Variants in RYR2 observed in about 807,000 individuals in gnomAD.
RYR2 encodes cardiac muscle ryanodine receptor-calcium release channel.
Under a neutral mutation model 601.1 loss-of-function variants are expected in RYR2, and 227 were observed. The ratio of observed to expected loss-of-function variants is 0.38; its 90% CI spans 0.34 to 0.42. RYR2 has a LOEUF of 0.42. RYR2 is among the 10% of genes least tolerant of loss of function. RYR2 has a pLI of 1.00. For synonymous variants in RYR2, 2,223 were observed against 2,175.1 expected, an observed-to-expected ratio of 1.02 and a Z score of -0.61; for missense variants, 4,646 against 6,156.5, an observed-to-expected ratio of 0.75 and a Z score of 8.21.
intron 100 of RYR2, among the ~76,000 whole-genome samples, chr1:237,809,635 T>C (rs1661045480): frequency 6.6e-6 from 1 of 152,098 alleles, no homozygotes. Flanking sequence ...ACAAAATATA[T>C]ATCACTAGCT....
At chr1:237,466,104 A>G (rs1360872361) in intron 16 of RYR2, among the ~76,000 whole-genome samples, 1 of 152,160 alleles carries the variant, frequency 6.6e-6, no homozygotes, top group East Asian at 1.9e-4. Context: ...ATGTATCTAT[A>G]TCTTGAGACC....
In RYR2 at chr1:237,419,277, C is replaced by A. The variant is rs561898848; in HGVS notation, c.848+2154C>A. Reference sequence around the variant, plus strand: ...TATTTATCTTTTTTGTAGAGAGAGACCCTACATCTGTCTTATTTTTGGTTA... The same window carrying A: ...TATTTATCTTTTTTGTAGAGAGAGAACCTACATCTGTCTTATTTTTGGTTA... On this transcript the variant is annotated intron_variant, in intron 11 of 104. Coordinates refer to ENST00000366574, the MANE Select transcript of RYR2 (RefSeq NM_001035.3). Among the ~76,000 whole-genome samples, 4 of 151,682 alleles carry A rather than the reference C, an allele frequency of 2.6e-5. No individual in the cohort carries two copies. In the East Asian group the frequency reaches 7.7e-4, roughly 29 times the overall value.
chr1:237,207,665 C>T (rs1041693214), intron 1 of RYR2, among the ~76,000 whole-genome samples: 2 of 152,128 alleles, frequency 1.3e-5, no homozygotes, highest in African/African-American at 4.8e-5. Flanking sequence ...GCCTCCAGAG[C>T]TGTGAAAAAA....
intron 35 of RYR2, among the ~76,000 whole-genome samples, chr1:237,605,860 G>A (rs1345947293): frequency 6.6e-6 from 1 of 151,456 alleles, no homozygotes; most frequent in Non-Finnish European, 1.5e-5. Flanking sequence ...CAACTTACAA[G>A]GGATGTGAAG....
At chr1:237,690,649 CTCGGGAGT>C (rs1187711839) in intron 63 of RYR2, among the ~76,000 whole-genome samples, 2 of 152,130 alleles carry the variant, frequency 1.3e-5, no homozygotes, top group African/African-American at 4.8e-5. Context: ...ATCACTTGAG[CTCGGGAGT>C]TCAAGACCAG....
In RYR2 at chr1:237,614,994, T is replaced by C. The variant is rs1458967215; in HGVS notation, c.5715+151T>C. On this transcript the variant is annotated intron_variant, in intron 37 of 104. Transcript: ENST00000366574. The surrounding 1 kb of genome is among the most constrained non-coding windows in gnomAD (Gnocchi z 4.3). ...CATAAAATTAACTAACTTCCTATTCTTTTCCCTCTTATTCATTAGCCATCT... is the reference window on the plus strand; with the variant it reads ...CATAAAATTAACTAACTTCCTATTCCTTTCCCTCTTATTCATTAGCCATCT... Among the ~76,000 whole-genome samples, 4 of 152,198 alleles carry C rather than the reference T, an allele frequency of 2.6e-5. No individual in the cohort carries two copies. The highest frequency in any genetic ancestry group is 9.7e-5 in the African/African-American group (4 of 41,444).
In RYR2 at chr1:237,285,689, A is replaced by G. The variant is rs191193361; in HGVS notation, c.168+15073A>G. Among the ~76,000 whole-genome samples, 23 of 152,216 alleles carry G rather than the reference A, an allele frequency of 1.5e-4. No individual in the cohort carries two copies. In the East Asian group the frequency reaches 4.4e-3, roughly 29 times the overall value. On this transcript the variant is annotated intron_variant, in intron 2 of 104. Transcript: ENST00000366574. Reference sequence around the variant, plus strand: ...TGTTGTTGGTAATTTTTAAATTACCATTTCAATCTCACTGCTTGTTATTGG... The same window carrying G: ...TGTTGTTGGTAATTTTTAAATTACCGTTTCAATCTCACTGCTTGTTATTGG...
intron 68 of RYR2, among the ~76,000 whole-genome samples, 177 bp from the exon 69 acceptor site, chr1:237,708,681 T>C (rs1042878937): frequency 6.6e-6 from 1 of 152,230 alleles, no homozygotes; most frequent in Non-Finnish European, 1.5e-5. Context: ...ATTTTTTTAA[T>C]GGCAGCTATG....
chr1:237,298,696 T>G (rs182408026), intron 2 of RYR2, among the ~76,000 whole-genome samples: 1 of 152,132 alleles, frequency 6.6e-6, no homozygotes, highest in Non-Finnish European at 1.5e-5. Flanking sequence ...GACAGAAAAA[T>G]ATATTTTTTT....
At chr1:237,470,449 G>A (rs112086394) in intron 17 of RYR2, among the ~76,000 whole-genome samples, 3 of 152,142 alleles carry the variant, frequency 2.0e-5, no homozygotes, top group Admixed American at 1.3e-4. Flanking sequence ...GGACAAAAAT[G>A]TGTAGAGTTT....
intron 81 of RYR2, 79 bp downstream of exon 81, chr1:237,756,466 A>G (rs187145146): frequency 1.7e-5 from 15 of 886,242 alleles, no homozygotes; most frequent in Admixed American, 9.1e-5. Flanking sequence ...CCTCATTTCA[A>G]TTCCACTGAC....
At chr1:237,272,267 C>T (rs538335341) in intron 2 of RYR2, among the ~76,000 whole-genome samples, 7 of 152,094 alleles carry the variant, frequency 4.6e-5, no homozygotes, top group African/African-American at 1.4e-4. Flanking sequence ...TCAAAGTCCT[C>T]CTCTGAGGAG....
At chr1:237,557,632 CTG>C (rs1360818452) in intron 27 of RYR2, among the ~76,000 whole-genome samples, 1 of 149,784 alleles carries the variant, frequency 6.7e-6, no homozygotes, top group Non-Finnish European at 1.5e-5. Context: ...GTAAACAAAA[CTG>C]GAGATGAGGA....
chr1:237,747,473 T>G (rs1015417798), intron 80 of RYR2, among the ~76,000 whole-genome samples: 15 of 152,166 alleles, frequency 9.9e-5, no homozygotes, highest in Non-Finnish European at 2.2e-4. Context: ...CCAGCTCGTA[T>G]CCCACAGTAT....
At chr1:237,151,394 C>T (rs1303554474) in intron 1 of RYR2, among the ~76,000 whole-genome samples, 1 of 152,110 alleles carries the variant, frequency 6.6e-6, no homozygotes, top group African/African-American at 2.4e-5. Context: ...TGACTCTTAG[C>T]GATGCATAAG....
chr1:237,805,481 T>C (rs1317756715), intron 98 of RYR2, among the ~76,000 whole-genome samples: 1 of 146,998 alleles, frequency 6.8e-6, no homozygotes, highest in Non-Finnish European at 1.5e-5. Context: ...CTCGGGAGGC[T>C]GAGGCAGGAG....
At chr1:237,654,856 C>T (rs1175895953) in intron 52 of RYR2, among the ~76,000 whole-genome samples, 3 of 152,326 alleles carry the variant, frequency 2.0e-5, no homozygotes, top group East Asian at 1.9e-4. Flanking sequence ...TAGATACCGT[C>T]GCTCAATGTT....
At chr1:237,248,910 C>T (rs570430334) in intron 1 of RYR2, among the ~76,000 whole-genome samples, 94 of 151,968 alleles carry the variant, frequency 6.2e-4, no homozygotes, top group Middle Eastern at 3.4e-3. Flanking sequence ...TACAGGCATG[C>T]GCCACCACGT....
At chr1:237,129,709 GATAC>G (rs1245255632) in intron 1 of RYR2, among the ~76,000 whole-genome samples, 1 of 149,690 alleles carries the variant, frequency 6.7e-6, no homozygotes, top group African/African-American at 2.4e-5. Context: ...ATAGTATAAT[GATAC>G]ATATATATAG....
Sources: gnomAD v4.1 joint callset for allele counts (sites outside exome capture counted in the v4.1 genomes callset) on GRCh38, gnomAD v4.1.1 for gene constraint, Gnocchi (gnomAD v3.1) non-coding constraint, MANE v1.5 for transcripts, NCBI Gene and HGNC (gene_info 2026-07-23, HGNC 2026-07-21) for gene names.